Variants in DDX10 observed in about 807,000 individuals in gnomAD.
The protein encoded by DDX10 is probable ATP-dependent RNA helicase DDX10.
DDX10 carries 74 observed loss-of-function variants against 104.3 expected under a neutral mutation model. The observed-to-expected ratio is 0.71, with a 90% CI of 0.59 to 0.86. The LOEUF is 0.86. Among genes scored for constraint, DDX10 ranks in the 40% least tolerant of loss-of-function variants. DDX10 has a pLI of 0.00. For missense variants in DDX10, 952 were observed against 1,040.0 expected (o/e 0.92, Z 1.16); for synonymous variants, 351 against 353.4 (o/e 0.99, Z 0.08).
rs141483381 is a variant in DDX10, at chr11:108,937,591, C to T, written c.2451-2655C>T. ...TTATCAAGACAAGCTTTTGTGTATC[C>T]ATTTTCACAAAAATTTCAAAATCAT... On this transcript the variant is annotated intron_variant, in intron 17 of 17. Coordinates refer to ENST00000322536, the MANE Select transcript of DDX10 (RefSeq NM_004398.4). Among the ~76,000 whole-genome samples, 1,512 of 152,156 alleles carry T rather than the reference C, an allele frequency of 9.9e-3. 27 individuals carry two copies. Among genetic ancestry groups the T allele is most frequent in the African/African-American group, 0.032 (1,336 of 41,498 alleles).
At chr11:108,914,873 TAC>T (rs1409869981) in intron 16 of DDX10, among the ~76,000 whole-genome samples, 1 of 141,776 alleles carries the variant, frequency 7.1e-6, no homozygotes, top group East Asian at 2.0e-4. Flanking sequence ...AGCTGAAAAG[TAC>T]AGTTACTGAA....
At chr11:108,673,431 A>G in intron 1 of DDX10, 36 bp from the exon 2 acceptor site, 1 of 1,428,988 alleles carries the variant, frequency 7.0e-7, no homozygotes, top group Non-Finnish European at 9.9e-7. Context: ...TCGTGAAACA[A>G]ATGAGTTACC....
intron 13 of DDX10, among the ~76,000 whole-genome samples, chr11:108,766,866 A>G (rs1286476270): frequency 1.3e-5 from 2 of 152,178 alleles, no homozygotes; most frequent in Non-Finnish European, 2.9e-5. Context: ...AACTGGCTAG[A>G]CTGGTGTGCA....
At chr11:108,757,832 G>A (rs753956877) in intron 13 of DDX10, among the ~76,000 whole-genome samples, 1 of 151,960 alleles carries the variant, frequency 6.6e-6, no homozygotes, top group Non-Finnish European at 1.5e-5. Context: ...ACTGCTTGCT[G>A]TTTTTACTAT....
chr11:108,806,126 T>C (rs1056999766), intron 13 of DDX10, among the ~76,000 whole-genome samples: 3 of 152,096 alleles, frequency 2.0e-5, no homozygotes, highest in African/African-American at 7.2e-5. Context: ...CACGCCCGGC[T>C]AGTTTTTTTT....
intron 13 of DDX10, among the ~76,000 whole-genome samples, chr11:108,790,544 C>G (rs549587279): frequency 6.6e-6 from 1 of 152,214 alleles, no homozygotes; most frequent in Non-Finnish European, 1.5e-5. Flanking sequence ...CTCTCGTTTT[C>G]TGTTTTCAAA....
At chr11:108,823,417 A>C (rs1354756130) in intron 13 of DDX10, among the ~76,000 whole-genome samples, 1 of 152,198 alleles carries the variant, frequency 6.6e-6, no homozygotes, top group Non-Finnish European at 1.5e-5. Flanking sequence ...GGGATTTAAT[A>C]ATGTAAGCCA....
intron 10 of DDX10, among the ~76,000 whole-genome samples, chr11:108,713,481 CT>C (rs1054509161): frequency 6.6e-6 from 1 of 151,830 alleles, no homozygotes; most frequent in East Asian, 1.9e-4. Flanking sequence ...TGTTACAGTT[CT>C]TTTTGTTCTC....
At chr11:108,820,511 T>C (rs1862312220) in intron 13 of DDX10, among the ~76,000 whole-genome samples, 1 of 152,208 alleles carries the variant, frequency 6.6e-6, no homozygotes, top group Non-Finnish European at 1.5e-5. Context: ...TTCTCCCTTC[T>C]TTTAGAATAA....
chr11:108,709,528 A>G (rs1036321980), intron 10 of DDX10, among the ~76,000 whole-genome samples: 1 of 152,218 alleles, frequency 6.6e-6, no homozygotes, highest in Non-Finnish European at 1.5e-5. Context: ...TTGTCATTCA[A>G]GGAATTGGTC....
At chr11:108,918,304 T>TTC in intron 17 of DDX10, 1 of 395,626 alleles carries the variant, frequency 2.5e-6, no homozygotes, top group Non-Finnish European at 4.4e-6. Flanking sequence ...TTTTTTTTTT[T>TTC]TCTTATCTTT....
intron 13 of DDX10, among the ~76,000 whole-genome samples, chr11:108,823,767 G>A (rs962139123): frequency 3.9e-5 from 6 of 152,154 alleles, no homozygotes; most frequent in Non-Finnish European, 5.9e-5. Flanking sequence ...GCTTTAAGCC[G>A]CACTAACCAG....
chr11:108,816,090 A>G (rs2615756), intron 13 of DDX10, among the ~76,000 whole-genome samples: 109,322 of 151,688 alleles, frequency 0.72, 39,815 homozygotes, highest in Admixed American at 0.79. Flanking sequence ...AGCTTTTGGC[A>G]TGCCATACTA....
intron 9 of DDX10, among the ~76,000 whole-genome samples, chr11:108,704,138 G>A (rs563954304): frequency 1.3e-5 from 2 of 152,110 alleles, no homozygotes; most frequent in Non-Finnish European, 1.5e-5. Flanking sequence ...TAGATGAGAT[G>A]GACAGAGGTG....
At chr11:108,818,011 C>T (rs1227354576) in intron 13 of DDX10, among the ~76,000 whole-genome samples, 2 of 152,146 alleles carry the variant, frequency 1.3e-5, no homozygotes, top group Non-Finnish European at 2.9e-5. Context: ...TTTTATACAG[C>T]AGTGTTTTAA....
Position 108,917,892 on chromosome 11 carries a change from C to G in DDX10, c.2324C>G (p.Ala775Gly), listed in dbSNP as rs141369999. ...RQAKAKDEEEAFLDWSDDDDD... is the reference protein window; with the variant it reads ...RQAKAKDEEEGFLDWSDDDDD... ...TTTTAGGCCAAAGATGAAGAGGAAGCCTTTCTGGATTGGAGTGATGATGAT... is the reference window on the plus strand; with the variant it reads ...TTTTAGGCCAAAGATGAAGAGGAAGGCTTTCTGGATTGGAGTGATGATGAT... Residue 775 changes from alanine to glycine, a missense_variant, in exon 17 of 18, where the codon GCC becomes GGC. Physicochemically the swap from Ala to Gly is moderately conservative, Grantham distance 60 (BLOSUM62 0). Transcript: ENST00000322536. The G allele has an allele frequency of 7.4e-6, 12 of 1,611,518 alleles. No homozygotes were observed. The highest frequency in any genetic ancestry group is 2.2e-5 in the East Asian group (1 of 44,858).
chr11:108,846,865 T>G (rs958203182), intron 15 of DDX10, among the ~76,000 whole-genome samples: 1 of 146,100 alleles, frequency 6.8e-6, no homozygotes, highest in African/African-American at 2.5e-5. Flanking sequence ...TATAGTTTAA[T>G]GGCATCACTG....
At chr11:108,806,207 T>G (rs1862098284) in intron 13 of DDX10, among the ~76,000 whole-genome samples, 1 of 152,132 alleles carries the variant, frequency 6.6e-6, no homozygotes, top group African/African-American at 2.4e-5. Context: ...AGGTGATCCC[T>G]CCGCCTTGGC....
intron 13 of DDX10, among the ~76,000 whole-genome samples, chr11:108,795,798 A>G (rs1280991981): frequency 2.6e-5 from 4 of 152,082 alleles, no homozygotes; most frequent in African/African-American, 9.7e-5. Context: ...GCCTCAATAA[A>G]CACGTGTGGT....
Sources: allele counts gnomAD v4.1 joint callset (sites outside exome capture counted in the v4.1 genomes callset), GRCh38; gene constraint gnomAD v4.1.1; transcripts MANE v1.5; gene names NCBI Gene and HGNC (gene_info 2026-07-23, HGNC 2026-07-21).